The following GABRQ variants were observed in gnomAD, a reference collection of about 807,000 sequenced individuals.
GABRQ encodes gamma-aminobutyric acid type A receptor subunit theta, also known as gamma-aminobutyric acid receptor subunit theta.
In GABRQ, 19 loss-of-function variants were observed where a neutral mutation model predicts 30.5. That is an observed-to-expected ratio of 0.62 (90% CI 0.43 to 0.91). GABRQ has a LOEUF of 0.91. Ranked by LOEUF, GABRQ falls within the 40% of genes least tolerant of loss-of-function variation. GABRQ has a pLI of 0.00. For missense variants in GABRQ, 520 were observed against 521.4 expected, an observed-to-expected ratio of 1.00 and a Z score of 0.03; for synonymous variants, 187 against 210.2, an observed-to-expected ratio of 0.89 and a Z score of 0.95.
chrX:152,655,688 C>T lies in GABRQ; in HGVS notation c.*2407C>T, dbSNP rs183877552. On this transcript the variant is annotated 3_prime_UTR_variant, in exon 9 of 9. Transcript: ENST00000598523. ...GCAGTGACTCCATGTCTGAAGCTCC[C>T]AATGTGGCTATTGAAAGGCTGGCTT... The T allele has an allele frequency of 1.2e-4, 14 of 112,120 alleles. No homozygotes were observed. The East Asian group carries it at 2.3e-3, about 18-fold the overall frequency. The allele number at this position is 112,120 out of a possible 1,213,427, so 9.2% of individuals were successfully genotyped here.
At chrX:152,650,239 T>C (rs1556819931) in intron 6 of GABRQ, among the ~76,000 whole-genome samples, 189 bp from the exon 7 acceptor site, 1 of 112,073 alleles carries the variant, frequency 8.9e-6, no homozygotes, top group East Asian at 2.8e-4. Flanking sequence ...CTTGCTATGC[T>C]CATGCGCCTA....
At chrX:152,650,311 T>C in intron 6 of GABRQ, 117 bp from the exon 7 acceptor site, 2 of 604,694 alleles carry the variant, frequency 3.3e-6, no homozygotes, top group Admixed American at 5.8e-5. Flanking sequence ...TGCCTCTGGA[T>C]GGAGTATTAC....
At chrX:152,649,420 A>C in intron 5 of GABRQ, 87 bp downstream of exon 5, 1 of 581,661 alleles carries the variant, frequency 1.7e-6, no homozygotes. Flanking sequence ...TAAAAGGGCC[A>C]GTGTATCTCC....
intron 4 of GABRQ, among the ~76,000 whole-genome samples, chrX:152,648,143 G>A (rs73629818): frequency 0.025 from 2,727 of 111,071 alleles, 94 homozygotes; most frequent in African/African-American, 0.083. Context: ...ACGTGCACGC[G>A]CACACCATAT....
At chrX:152,638,601 G>T (rs1930672007) in intron 1 of GABRQ, among the ~76,000 whole-genome samples, 1 of 112,156 alleles carries the variant, frequency 8.9e-6, no homozygotes, top group South Asian at 3.7e-4. Flanking sequence ...AGCCCTGCGT[G>T]TGCCTAAACC....
chrX:152,656,804 G>A lies in GABRQ; in HGVS notation c.*3523G>A, dbSNP rs782541660. 8.9e-6 allele frequency: 1 copy of A among 112,104 alleles called. No homozygotes were observed. The highest frequency in any genetic ancestry group is 1.9e-5 in the Non-Finnish European group (1 of 53,270). 9.2% of individuals were successfully genotyped at this position (112,104 alleles called of 1,213,427 possible). A position where few individuals can be genotyped will look rare whatever the true frequency, so the allele number is the denominator to read the frequency against. Reference sequence around the variant, plus strand: ...GCATGGTACCCTGCTGTGGTGATGAGCAGTAACTTTCTAGCTATTCCATAG... The same window carrying A: ...GCATGGTACCCTGCTGTGGTGATGAACAGTAACTTTCTAGCTATTCCATAG... On this transcript the variant is annotated 3_prime_UTR_variant, in exon 9 of 9. Transcript: ENST00000598523.
downstream of GABRQ, among the ~76,000 whole-genome samples, chrX:152,658,665 G>A (rs1931193348): frequency 8.9e-6 from 1 of 112,275 alleles, no homozygotes; most frequent in Non-Finnish European, 1.9e-5. Context: ...TACAGTTGTA[G>A]CTGATAAGTA....
intron 2 of GABRQ, 102 bp downstream of exon 2, chrX:152,640,568 G>A: frequency 1.7e-6 from 1 of 571,493 alleles, no homozygotes; most frequent in East Asian, 3.3e-5. Flanking sequence ...TATCCTGCGG[G>A]CTCTACACCT....
At chrX:152,651,482 G>A (rs1556820182) in intron 7 of GABRQ, 44 bp from the exon 8 acceptor site, 3 of 1,161,824 alleles carry the variant, frequency 2.6e-6, no homozygotes, top group South Asian at 1.9e-5. Flanking sequence ...TGCCAAGAAC[G>A]TTAGCCATCA....
intron 5 of GABRQ, 113 bp downstream of exon 5, chrX:152,649,446 C>T (rs2124914604): frequency 3.9e-6 from 2 of 514,120 alleles, no homozygotes; most frequent in South Asian, 2.7e-5. Context: ...TCCCTCCCTC[C>T]CCCCATTCTC....
intron 4 of GABRQ, among the ~76,000 whole-genome samples, chrX:152,648,446 C>T (rs944485312): frequency 1.8e-5 from 2 of 108,370 alleles, no homozygotes; most frequent in East Asian, 5.8e-4. Context: ...CTCACTGCAA[C>T]CTCCGCCTCC....
chrX:152,650,720 C>T (rs1931000282), intron 7 of GABRQ, 140 bp downstream of exon 7: 3 of 491,223 alleles, frequency 6.1e-6, no homozygotes, highest in Non-Finnish European at 1.1e-5. Context: ...TAGACATTTG[C>T]ACCTTTGTAC....
Position 152,651,776 on chromosome X carries a change from C to G in GABRQ, c.1152C>G (p.Asn384Lys). 8.3e-7 allele frequency: 1 copy of G among 1,210,247 alleles called. No homozygotes were observed. The highest frequency in any genetic ancestry group is 1.1e-6 in the Non-Finnish European group (1 of 894,471). Residue 384 changes from asparagine to lysine, a missense_variant, in exon 8 of 9, where the codon AAC (asparagine) becomes AAG (lysine). By Grantham distance (94) the Asn-to-Lys change is moderately conservative. Coordinates refer to ENST00000598523, the MANE Select transcript of GABRQ (RefSeq NM_018558.4). ...RYRYQQVVVG[N>K]VQDGLINVED... ...GCTACCAGCAAGTGGTGGTAGGAAA[C>G]GTGCAGGTTTGACTTTTTGACTGAC...
chrX:152,650,636 G>A, intron 7 of GABRQ, 56 bp downstream of exon 7: 2 of 971,700 alleles, frequency 2.1e-6, no homozygotes, highest in Non-Finnish European at 2.9e-6. Context: ...CAGAAAAAAA[G>A]TTGAGAGTAA....
chrX:152,652,969 A>G lies in GABRQ; in HGVS notation c.1587A>G (p.Glu529=), dbSNP rs1280768683. 19 of 1,209,973 alleles carry G rather than the reference A, an allele frequency of 1.6e-5. No individual in the cohort carries two copies. Among genetic ancestry groups the G allele is most frequent in the Non-Finnish European group, 1.9e-5 (17 of 894,608 alleles). ...ACCATGGCGAGAAGGGTGTGCAAGAAGCAGGCTGGGACCTTGATGACAACA... is the reference window on the plus strand; with the variant it reads ...ACCATGGCGAGAAGGGTGTGCAAGAGGCAGGCTGGGACCTTGATGACAACA... The part of the protein sequence containing the change: ...MLHHGEKGVQ[E]AGWDLDDNND... The change falls in exon 9 of 9, where the codon GAA becomes GAG. Residue 529 remains glutamate (E), a synonymous_variant. Transcript: ENST00000598523.
intron 1 of GABRQ, among the ~76,000 whole-genome samples, 158 bp downstream of exon 1, chrX:152,638,509 C>T (rs1191115972): frequency 1.8e-5 from 2 of 111,847 alleles, no homozygotes; most frequent in Non-Finnish European, 3.8e-5. Flanking sequence ...TGCCTGTTGG[C>T]CCCTAGAAGG....
Position 152,638,348 on chromosome X carries a change from A to G in GABRQ, c.146A>G (p.Asn49Ser), listed in dbSNP as rs183563437. 3.4e-5 allele frequency: 41 copies of G among 1,209,158 alleles called. No individual in the cohort carries two copies. In the African/African-American group the frequency reaches 6.4e-4, roughly 19 times the overall value. ...AVPEVVLNLFNCKNCANEAVV... is the reference protein window; with the variant it reads ...AVPEVVLNLFSCKNCANEAVV... The stretch of plus-strand genomic sequence containing the variant: ...CCCGAAGTCGTCCTGAACCTCTTCA[A>G]CTGGTAAGCGGGCACCGCCAGGCTA... The change falls in exon 1 of 9, where the codon AAC becomes AGC. Residue 49 changes from asparagine (N) to serine (S), a missense_variant. Physicochemically the swap from Asn to Ser is conservative, Grantham distance 46 (BLOSUM62 1). Coordinates refer to ENST00000598523, the MANE Select transcript of GABRQ (RefSeq NM_018558.4).
At chrX:152,641,721 G>A (rs1435660858) in intron 2 of GABRQ, among the ~76,000 whole-genome samples, 1 of 112,643 alleles carries the variant, frequency 8.9e-6, no homozygotes, top group Non-Finnish European at 1.9e-5. Flanking sequence ...GTGTCTTCTG[G>A]GTGGATCCCC....
At chrX:152,649,017 G>T (rs1473545089) in intron 4 of GABRQ, among the ~76,000 whole-genome samples, 2 of 112,209 alleles carry the variant, frequency 1.8e-5, no homozygotes, top group Non-Finnish European at 3.8e-5. Context: ...AGTTTCCTCC[G>T]GGGCCCTTCC....
Sources: gnomAD v4.1 joint callset for allele counts (sites outside exome capture counted in the v4.1 genomes callset) on GRCh38, gnomAD v4.1.1 for gene constraint, MANE v1.5 for transcripts, NCBI Gene and HGNC (gene_info 2026-07-23, HGNC 2026-07-21) for gene names.